The following STPG2 variants were observed in gnomAD, a reference collection of about 807,000 sequenced individuals.
STPG2 encodes sperm tail PG-rich repeat containing 2, also known as sperm-tail PG-rich repeat-containing protein 2.
A neutral mutation model predicts 54.2 loss-of-function variants in STPG2; 56 were observed. The ratio of observed to expected loss-of-function variants is 1.03; its 90% confidence interval spans 0.83 to 1.29. STPG2 has a LOEUF of 1.29. STPG2 is among the 50% of genes most tolerant of loss of function. The pLI is 0.00. For synonymous variants in STPG2, 200 were observed against 181.8 expected (o/e 1.10, Z -0.81); for missense variants, 596 against 544.9 (o/e 1.09, Z -0.93).
chr4:98,129,120 TTAGAATAGAA>T (rs1395301454), intron 2 of STPG2, among the ~76,000 whole-genome samples: 1 of 152,176 alleles, frequency 6.6e-6, no homozygotes, highest in Non-Finnish European at 1.5e-5. Flanking sequence ...TCTATTAAAT[TTAGAATAGAA>T]TAGAATAGAT....
chr4:97,822,113 A>G (rs1453353964), intron 9 of STPG2, among the ~76,000 whole-genome samples: 7 of 152,178 alleles, frequency 4.6e-5, no homozygotes, highest in Admixed American at 1.3e-4. Flanking sequence ...AATTCAAATT[A>G]ATTTTTAGTT....
chr4:98,063,189 G>A (rs556640246), intron 5 of STPG2, among the ~76,000 whole-genome samples: 28 of 152,126 alleles, frequency 1.8e-4, no homozygotes, highest in Non-Finnish European at 2.9e-4. Context: ...GGTGGCTCAC[G>A]CCTGTAATCC....
At chr4:97,684,859 A>AACATATATATTTT (rs1411072565) in intron 10 of STPG2, among the ~76,000 whole-genome samples, 1 of 152,014 alleles carries the variant, frequency 6.6e-6, no homozygotes, top group Non-Finnish European at 1.5e-5. Context: ...TTTTAAACAA[A>AACATATATATTTT]GGACTTTTAT....
At chr4:97,969,582 T>A (rs1734248180) in intron 7 of STPG2, among the ~76,000 whole-genome samples, 2 of 152,178 alleles carry the variant, frequency 1.3e-5, no homozygotes, top group African/African-American at 4.8e-5. Context: ...ACAGCCCCGT[T>A]GCATTGCGGG....
At chr4:97,937,952 T>A (rs959725598) in intron 8 of STPG2, among the ~76,000 whole-genome samples, 1 of 152,124 alleles carries the variant, frequency 6.6e-6, no homozygotes, top group Non-Finnish European at 1.5e-5. Context: ...AACCCACTCA[T>A]CTGGGCTGCT....
chr4:97,923,992 C>T (rs534493819), intron 8 of STPG2, among the ~76,000 whole-genome samples: 2 of 152,284 alleles, frequency 1.3e-5, no homozygotes, highest in African/African-American at 4.8e-5. Flanking sequence ...CAGTGGCAAC[C>T]CACTTGGGTC....
intron 5 of STPG2, among the ~76,000 whole-genome samples, chr4:98,049,673 C>G (rs1482090576): frequency 6.6e-6 from 1 of 152,202 alleles, no homozygotes; most frequent in African/African-American, 2.4e-5. Flanking sequence ...TACTATACCA[C>G]AGTTCCAACA....
rs185546851 is a variant in STPG2, at chr4:98,100,848, G to A, written c.612+5105C>T. Among the ~76,000 whole-genome samples, 91 of 151,468 alleles carry A rather than the reference G, an allele frequency of 6.0e-4. 1 individual carries two copies. Among genetic ancestry groups the A allele is most frequent in the Admixed American group, 5.7e-3 (86 of 15,200 alleles). On this transcript the variant is annotated intron_variant, in intron 5 of 10. Transcript: ENST00000295268. Reference sequence around the variant, plus strand: ...GTGCCACCATGCTGAACTAATTTTTGTATTTTTAGTAGAGACGAGGTTTCA... The same window carrying A: ...GTGCCACCATGCTGAACTAATTTTTATATTTTTAGTAGAGACGAGGTTTCA...
At chr4:97,963,729 A>G (rs1383298263) in intron 7 of STPG2, among the ~76,000 whole-genome samples, 1 of 151,730 alleles carries the variant, frequency 6.6e-6, no homozygotes, top group Non-Finnish European at 1.5e-5. Context: ...TGAAATATAC[A>G]TACACACATA....
intron 4 of STPG2, among the ~76,000 whole-genome samples, chr4:97,505,368 A>T (rs1011881795): frequency 1.3e-5 from 2 of 151,988 alleles, no homozygotes; most frequent in Non-Finnish European, 2.9e-5. Flanking sequence ...AACTTAGTTT[A>T]TCTAACCCAG....
intron 5 of STPG2, among the ~76,000 whole-genome samples, chr4:98,092,838 A>G (rs529088251): frequency 3.9e-5 from 6 of 152,094 alleles, no homozygotes; most frequent in African/African-American, 1.4e-4. Flanking sequence ...AATCTAAATA[A>G]TATTTTTAAA....
chr4:98,036,353 A>T (rs1243734181), intron 5 of STPG2, among the ~76,000 whole-genome samples: 2 of 152,138 alleles, frequency 1.3e-5, no homozygotes, highest in African/African-American at 4.8e-5. Context: ...AGATACATGC[A>T]TGCATATGTT....
At chr4:97,752,120 T>TA (rs557981845) in intron 9 of STPG2, among the ~76,000 whole-genome samples, 61 of 151,978 alleles carry the variant, frequency 4.0e-4, no homozygotes, top group African/African-American at 1.4e-3. Flanking sequence ...TGCATTTACT[T>TA]ACATCCCTTT....
chr4:97,664,103 T>C (rs142288888), intron 10 of STPG2, among the ~76,000 whole-genome samples: 134 of 152,338 alleles, frequency 8.8e-4, no homozygotes, highest in African/African-American at 3.1e-3. Flanking sequence ...CTTAGATATG[T>C]ATAACTTATT....
chr4:97,522,557 C>G (rs969038410), intron 4 of STPG2, among the ~76,000 whole-genome samples: 2 of 151,826 alleles, frequency 1.3e-5, no homozygotes, highest in Non-Finnish European at 2.9e-5. Context: ...TTAATATATA[C>G]TTACTTTTAG....
At chr4:97,727,477 G>T (rs1173047534) in intron 9 of STPG2, among the ~76,000 whole-genome samples, 1 of 151,896 alleles carries the variant, frequency 6.6e-6, no homozygotes, top group Admixed American at 6.6e-5. Flanking sequence ...ACAAAAAACA[G>T]AAACTAGCTT....
At chr4:98,032,319 G>C (rs1392120874) in intron 5 of STPG2, among the ~76,000 whole-genome samples, 1 of 152,080 alleles carries the variant, frequency 6.6e-6, no homozygotes, top group Admixed American at 6.6e-5. Context: ...CAACCCAAAT[G>C]CCTATGAATC....
At chr4:97,931,452 T>G (rs182446879) in intron 8 of STPG2, among the ~76,000 whole-genome samples, 44 of 152,336 alleles carry the variant, frequency 2.9e-4, no homozygotes, top group African/African-American at 9.9e-4. Flanking sequence ...ATGTGGTTTT[T>G]GTCTCTAGTT....
intron 8 of STPG2, among the ~76,000 whole-genome samples, chr4:97,869,623 C>T (rs1729909731): frequency 6.6e-6 from 1 of 151,542 alleles, no homozygotes; most frequent in Non-Finnish European, 1.5e-5. Context: ...TAACCTTAAA[C>T]TTATATAAGT....
Sources: allele counts gnomAD v4.1 joint callset (sites outside exome capture counted in the v4.1 genomes callset), GRCh38; gene constraint gnomAD v4.1.1; transcripts MANE v1.5; gene names NCBI Gene and HGNC (gene_info 2026-07-23, HGNC 2026-07-21).